Variants in COBL observed in about 807,000 individuals in gnomAD.
COBL encodes cordon-bleu WH2 repeat protein.
Under a neutral mutation model 98.8 loss-of-function variants are expected in COBL, and 51 were observed. The ratio of observed to expected loss-of-function variants is 0.52; its 90% CI spans 0.41 to 0.65. The LOEUF is 0.65. Ranked by LOEUF, COBL falls within the 30% of genes least tolerant of loss-of-function variation. The pLI, the probability that COBL is intolerant of heterozygous loss-of-function variation, is 0.00. For missense variants in COBL, 1,617 were observed against 1,617.5 expected (o/e 1.00, Z 0.01); for synonymous variants, 634 against 651.7 (o/e 0.97, Z 0.41).
chr7:51,031,114 T>C, intron 8 of COBL: 1 of 582,684 alleles, frequency 1.7e-6, no homozygotes, highest in African/African-American at 1.9e-5. Context: ...CAGGTATGTG[T>C]GGGATGCGTG....
At chr7:51,069,300 A>G (rs1420125706) in intron 7 of COBL, among the ~76,000 whole-genome samples, 3 of 152,268 alleles carry the variant, frequency 2.0e-5, no homozygotes, top group Non-Finnish European at 4.4e-5. Flanking sequence ...TTGTTGGAAC[A>G]GCAACTCTGT....
In COBL at chr7:51,016,634, G is replaced by T; in HGVS notation, c.*917C>A. ...GAACCAAAATTGTGATGCTCTCAGCGCAACTTTGATCTGAACTCTTGACAG... is the reference window on the plus strand; with the variant it reads ...GAACCAAAATTGTGATGCTCTCAGCTCAACTTTGATCTGAACTCTTGACAG... On this transcript the variant is annotated 3_prime_UTR_variant, in exon 13 of 13. Coordinates refer to ENST00000265136, the MANE Select transcript of COBL (RefSeq NM_015198.5). The T allele has an allele frequency of 3.6e-6, 1 of 275,840 alleles. No homozygotes were observed. Among genetic ancestry groups the T allele is most frequent in the Non-Finnish European group, 6.7e-6 (1 of 148,332 alleles). 17.1% of individuals were successfully genotyped at this position (275,840 alleles called of 1,614,324 possible). A position where few individuals can be genotyped will look rare whatever the true frequency, so the allele number is the denominator to read the frequency against.
rs1467718055 is a variant in COBL at position 51,028,264 on chromosome 7, C to T, written c.2832G>A (p.Leu944=). ...VTPPNNHGED[L]AVGAPPRGEV... is the part of the protein sequence containing the mutation. ...CCCCCCTAGGAGGGGCTCCCACTGC[C>T]AAATCTTCCCCGTGGTTGTTGGGAG... The change falls in exon 10 of 13, where the codon TTG becomes TTA. Residue 944 remains leucine (L), a synonymous_variant. Transcript: ENST00000265136. 1.2e-6 allele frequency: 2 copies of T among 1,614,162 alleles called. No homozygotes were observed. The highest frequency in any genetic ancestry group is 1.7e-5 in the Admixed American group (1 of 60,026).
At chr7:51,275,157 C>G (rs538766160) in intron 1 of COBL, among the ~76,000 whole-genome samples, 1 of 152,130 alleles carries the variant, frequency 6.6e-6, no homozygotes, top group Non-Finnish European at 1.5e-5. Context: ...CTGCTCTGCA[C>G]ATGAGAGAGA....
Position 51,308,435 on chromosome 7 carries a change from T to C in COBL, c.41+8158A>G, listed in dbSNP as rs114682098. 3.4e-3 allele frequency among the ~76,000 whole-genome samples: 516 copies of C among 150,460 alleles called. 6 individuals are homozygous for C. Among genetic ancestry groups the C allele is most frequent in the African/African-American group, 0.012 (498 of 41,426 alleles). Reference sequence around the variant, plus strand: ...AGACAGACAGACACACACTCACACATACATTCACACAAACAGCTGGTTTTC... The same window carrying C: ...AGACAGACAGACACACACTCACACACACATTCACACAAACAGCTGGTTTTC... On this transcript the variant is annotated intron_variant, in intron 1 of 12. Transcript: ENST00000265136.
At chr7:51,119,605 T>A (rs1009359031) in intron 6 of COBL, among the ~76,000 whole-genome samples, 6 of 152,172 alleles carry the variant, frequency 3.9e-5, no homozygotes, top group Admixed American at 3.9e-4. Flanking sequence ...GATTTTTGTA[T>A]CACAAATACA....
intron 1 of COBL, 73 bp downstream of exon 1, chr7:51,316,520 G>T: frequency 9.0e-7 from 1 of 1,113,830 alleles, no homozygotes; most frequent in Non-Finnish European, 1.1e-6. Context: ...GCCCGGGAGC[G>T]CGCGGTGCGG....
chr7:51,219,820 C>T lies in COBL; in HGVS notation c.166G>A (p.Glu56Lys), dbSNP rs1307494582. 6.2e-7 allele frequency: 1 copy of T among 1,614,004 alleles called. No individual in the cohort carries two copies. The highest frequency in any genetic ancestry group is 1.3e-5 in the African/African-American group (1 of 74,926). The change falls in exon 2 of 13, where the codon GAG becomes AAG. Residue 56 changes from glutamate (E) to lysine (K), a missense_variant. By Grantham distance (56) the Glu-to-Lys change is moderately conservative. This residue lies in a region of COBL where 238 missense variants were observed against 215.0 expected (regional missense o/e 1.11). Coordinates refer to ENST00000265136, the MANE Select transcript of COBL (RefSeq NM_015198.5). ...TCCATGGTGCTGGCCCTCAGCGCCT[C>T]CTTCATGCGAACCAAGTTCTGCTGC... ...GSQQNLVRMK[E>K]ALRASTMDVT...
rs1267768146 is a variant in COBL, at chr7:51,095,439, G to C, written c.958-10135C>G. Among the ~76,000 whole-genome samples the C allele has an allele frequency of 7.9e-5, 12 of 152,186 alleles. No homozygotes were observed. The East Asian group carries it at 2.3e-3, about 29-fold the overall frequency. On this transcript the variant is annotated intron_variant, in intron 6 of 12. Transcript: ENST00000265136. ...ACTACAAACGTCAACAAAATACAAA[G>C]GAGAGTGCCAACAGAATAAAAGAGC...
At chr7:51,058,869 T>C (rs996210247) in intron 7 of COBL, among the ~76,000 whole-genome samples, 5 of 152,214 alleles carry the variant, frequency 3.3e-5, no homozygotes, top group African/African-American at 7.2e-5. Context: ...CCAACGACTT[T>C]CGTTCAGCGT....
chr7:51,230,830 T>C (rs764981185), intron 1 of COBL, among the ~76,000 whole-genome samples: 3 of 152,178 alleles, frequency 2.0e-5, no homozygotes, highest in Non-Finnish European at 2.9e-5. Flanking sequence ...TTTCTGCACG[T>C]GGGGCAGATC....
intron 9 of COBL, 145 bp downstream of exon 9, chr7:51,030,667 T>A: frequency 1.6e-6 from 1 of 625,228 alleles, no homozygotes; most frequent in Non-Finnish European, 2.8e-6. Context: ...GCGCCTCACA[T>A]CCAGACTTTC....
intron 1 of COBL, chr7:51,259,748 A>G (rs1797550540): frequency 1.3e-6 from 1 of 745,544 alleles, no homozygotes; most frequent in Admixed American, 1.7e-5. Flanking sequence ...ATGTGGAAAT[A>G]CCCAGATCAC....
chr7:51,174,328 C>T (rs899007366), intron 5 of COBL, among the ~76,000 whole-genome samples: 7 of 152,106 alleles, frequency 4.6e-5, no homozygotes, highest in African/African-American at 1.4e-4. Flanking sequence ...AATGAGGCTG[C>T]ATTTAGCACG....
At chr7:51,139,905 C>A (rs1219819130) in intron 5 of COBL, among the ~76,000 whole-genome samples, 7 of 152,178 alleles carry the variant, frequency 4.6e-5, no homozygotes, top group Admixed American at 4.6e-4. Context: ...TTGGTTGTCT[C>A]CTGCTACAAA....
rs549237728 is a variant in COBL, at chr7:51,046,034, T to C, written c.1097-2342A>G. 8.0e-5 allele frequency among the ~76,000 whole-genome samples: 12 copies of C among 150,896 alleles called. No homozygotes were observed. The East Asian group carries it at 2.4e-3, about 30-fold the overall frequency. On this transcript the variant is annotated intron_variant, in intron 7 of 12. Transcript: ENST00000265136. The stretch of plus-strand genomic sequence containing the variant: ...GCCTGGCCACAGCCCTGCGACACCA[T>C]TCATGCCATTGGTGCAGAAGCAGGT...
At chr7:51,227,362 G>A (rs1454663609) in intron 1 of COBL, among the ~76,000 whole-genome samples, 1 of 152,202 alleles carries the variant, frequency 6.6e-6, no homozygotes, top group Non-Finnish European at 1.5e-5. Flanking sequence ...GGAGATGGAA[G>A]GACGTGCCCC....
chr7:51,025,520 T>C, intron 11 of COBL, 148 bp from the exon 12 acceptor site: 1 of 761,292 alleles, frequency 1.3e-6, no homozygotes, highest in Non-Finnish European at 2.1e-6. Flanking sequence ...ATGGGATTAG[T>C]GCTCTTATAC....
rs141096835 is a variant in COBL, at chr7:51,277,017, C to T, written c.41+39576G>A. Among the ~76,000 whole-genome samples the T allele has an allele frequency of 2.7e-3, 411 of 152,252 alleles. 3 individuals carry two copies. Among genetic ancestry groups the T allele is most frequent in the Middle Eastern group, 0.02 (6 of 294 alleles). The stretch of plus-strand genomic sequence containing the variant: ...TGAGGGCCAGAAGACAATGACACAG[C>T]CCTCCTGTCCTCACACCAGCTCCAC... On this transcript the variant is annotated intron_variant, in intron 1 of 12. Transcript: ENST00000265136.
Sources: allele counts gnomAD v4.1 joint callset (sites outside exome capture counted in the v4.1 genomes callset), GRCh38; gene constraint gnomAD v4.1.1; regional missense constraint gnomAD v4.1.1; transcripts MANE v1.5; gene names NCBI Gene and HGNC (gene_info 2026-07-23, HGNC 2026-07-21).